The following HHAT variants were observed in gnomAD, a reference collection of about 807,000 sequenced individuals.
HHAT encodes the protein protein-cysteine N-palmitoyltransferase HHAT.
HHAT carries 47 observed loss-of-function variants against 70.8 expected under a neutral mutation model. The observed-to-expected ratio is 0.66, with a 90% CI of 0.53 to 0.85. The LOEUF is 0.85. Among genes scored for constraint, HHAT ranks in the 40% least tolerant of loss-of-function variants. The pLI is 0.00. For synonymous variants in HHAT, 228 were observed against 247.6 expected, an observed-to-expected ratio of 0.92 and a Z score of 0.74; for missense variants, 609 against 604.8, an observed-to-expected ratio of 1.01 and a Z score of -0.07.
chr1:210,495,077 G>A (rs2094613838), intron 8 of HHAT, among the ~76,000 whole-genome samples: 1 of 152,072 alleles, frequency 6.6e-6, no homozygotes, highest in African/African-American at 2.4e-5. Flanking sequence ...GCAGTGAGAG[G>A]CTGGAATCAG....
At chr1:210,342,601 T>A (rs978126903) in intron 1 of HHAT, among the ~76,000 whole-genome samples, 48 of 152,226 alleles carry the variant, frequency 3.2e-4, no homozygotes, top group Admixed American at 2.0e-4. Flanking sequence ...TTCTAGGCTA[T>A]CTCACAGCTA....
chr1:210,604,490 A>G (rs1029074286), intron 10 of HHAT, among the ~76,000 whole-genome samples: 3 of 152,332 alleles, frequency 2.0e-5, no homozygotes, highest in Middle Eastern at 3.4e-3. Context: ...AAAAATACAC[A>G]TACACAGAAA....
chr1:210,468,534 G>T (rs1357263544), intron 8 of HHAT, among the ~76,000 whole-genome samples: 1 of 152,270 alleles, frequency 6.6e-6, no homozygotes, highest in East Asian at 1.9e-4. Flanking sequence ...TAATATATAG[G>T]AGTATCTTTA....
chr1:210,430,602 G>A (rs1458383881), intron 7 of HHAT, among the ~76,000 whole-genome samples: 1 of 151,828 alleles, frequency 6.6e-6, no homozygotes, highest in African/African-American at 2.4e-5. Context: ...GTGACACTAT[G>A]AGTAGTTTCA....
intron 11 of HHAT, among the ~76,000 whole-genome samples, chr1:210,659,834 T>C (rs946068549): frequency 6.6e-6 from 1 of 152,160 alleles, no homozygotes; most frequent in Admixed American, 6.5e-5. Flanking sequence ...ATTATCTCAA[T>C]AGATGCAGAA....
intron 1 of HHAT, among the ~76,000 whole-genome samples, chr1:210,337,713 G>C (rs977922158): frequency 2.0e-5 from 3 of 152,084 alleles, no homozygotes; most frequent in African/African-American, 4.8e-5. Context: ...GATAATCCAG[G>C]CTAATCTCTC....
intron 8 of HHAT, among the ~76,000 whole-genome samples, chr1:210,469,952 C>G (rs780529252): frequency 6.6e-6 from 1 of 152,108 alleles, no homozygotes; most frequent in Non-Finnish European, 1.5e-5. Flanking sequence ...TTTTAAGTTC[C>G]GCATGCATTA....
chr1:210,489,487 A>G (rs751079660), intron 8 of HHAT, among the ~76,000 whole-genome samples: 1 of 152,198 alleles, frequency 6.6e-6, no homozygotes, highest in Non-Finnish European at 1.5e-5. Context: ...TAATCCAAGG[A>G]TCTTACTTTG....
chr1:210,589,947 G>A (rs1661295965), intron 10 of HHAT: 1 of 152,172 alleles, frequency 6.6e-6, no homozygotes, highest in South Asian at 2.1e-4. Context: ...CAAGTATGAT[G>A]TTTGGCTTGC....
At chr1:210,519,747 T>C (rs2095122331) in intron 9 of HHAT, among the ~76,000 whole-genome samples, 2 of 151,802 alleles carry the variant, frequency 1.3e-5, no homozygotes, top group Admixed American at 1.3e-4. Context: ...AGGCTGCTTT[T>C]GAACTCCTGA....
intron 7 of HHAT, among the ~76,000 whole-genome samples, chr1:210,448,860 A>G (rs564416813): frequency 4.6e-5 from 7 of 152,104 alleles, no homozygotes; most frequent in East Asian, 1.9e-4. Flanking sequence ...CTGACTCTCT[A>G]TTCCCTAGAT....
chr1:210,453,556 C>T (rs746997592), intron 7 of HHAT, among the ~76,000 whole-genome samples: 27 of 152,038 alleles, frequency 1.8e-4, no homozygotes, highest in Non-Finnish European at 3.2e-4. Context: ...CCCATAGTCC[C>T]CTCAGAATAC....
At position 210,464,561 on chromosome 1, in the gene HHAT, G is replaced by C; in HGVS notation, c.913G>C (p.Gly305Arg). The C allele has an allele frequency of 6.2e-7, 1 of 1,614,144 alleles. No homozygotes were observed. The highest frequency in any genetic ancestry group is 8.5e-7 in the Non-Finnish European group (1 of 1,180,020). ...FFYVKYLVLFGVPALLMRLDG... is the reference protein window; with the variant it reads ...FFYVKYLVLFRVPALLMRLDG... Reference sequence around the variant, plus strand: ...CTACGTGAAGTACTTGGTGCTCTTTGGCGTGCCTGCTCTGCTCATGCGCCT... The same window carrying C: ...CTACGTGAAGTACTTGGTGCTCTTTCGCGTGCCTGCTCTGCTCATGCGCCT... Residue 305 changes from glycine to arginine, a missense_variant, in exon 8 of 12, where the codon GGC becomes CGC. Coordinates refer to ENST00000261458, the MANE Select transcript of HHAT (RefSeq NM_018194.6).
intron 6 of HHAT, among the ~76,000 whole-genome samples, chr1:210,412,582 T>C (rs2092594915): frequency 6.6e-6 from 1 of 152,138 alleles, no homozygotes; most frequent in Admixed American, 6.6e-5. Context: ...CCTGAGGAAG[T>C]CCAAAACCTT....
chr1:210,602,816 A>G (rs1340604041), intron 10 of HHAT, among the ~76,000 whole-genome samples: 1 of 152,016 alleles, frequency 6.6e-6, no homozygotes, highest in Non-Finnish European at 1.5e-5. Flanking sequence ...TCCCACTCCT[A>G]AGGATCATTA....
chr1:210,410,044 G>A (rs548761674), intron 6 of HHAT, among the ~76,000 whole-genome samples: 4 of 147,240 alleles, frequency 2.7e-5, no homozygotes, highest in Admixed American at 2.7e-4. Flanking sequence ...GGTTGACAAG[G>A]GACAAATTTT....
At chr1:210,628,189 G>A (rs527478951) in intron 11 of HHAT, among the ~76,000 whole-genome samples, 2 of 152,088 alleles carry the variant, frequency 1.3e-5, no homozygotes, top group Non-Finnish European at 2.9e-5. Flanking sequence ...GTATTCAAGG[G>A]GGGGTGTTTA....
At chr1:210,385,643 T>G (rs527692597) in intron 3 of HHAT, among the ~76,000 whole-genome samples, 3 of 152,214 alleles carry the variant, frequency 2.0e-5, no homozygotes, top group Non-Finnish European at 4.4e-5. Flanking sequence ...GGAGCATGTG[T>G]AATCTGAGAA....
intron 10 of HHAT, among the ~76,000 whole-genome samples, chr1:210,623,203 C>G (rs955080705): frequency 1.3e-5 from 2 of 152,100 alleles, no homozygotes; most frequent in African/African-American, 4.8e-5. Context: ...TCCCGAGTAG[C>G]TGGGACTACA....
Sources: allele counts gnomAD v4.1 joint callset (sites outside exome capture counted in the v4.1 genomes callset), GRCh38; gene constraint gnomAD v4.1.1; transcripts MANE v1.5; gene names NCBI Gene and HGNC (gene_info 2026-07-23, HGNC 2026-07-21).